CNTN5: variants seen among roughly 807,000 people sequenced by gnomAD.
The protein encoded by CNTN5 is contactin-5.
A neutral mutation model predicts 129.1 loss-of-function variants in CNTN5; 77 were observed. The ratio of observed to expected loss-of-function variants is 0.60; its 90% confidence interval spans 0.50 to 0.72. The LOEUF (loss-of-function observed/expected upper bound fraction) is 0.72, where lower values mean the gene tolerates loss of function less well. CNTN5 is among the 30% of genes least tolerant of loss of function. CNTN5 has a pLI of 0.00. For synonymous variants in CNTN5, 509 were observed against 465.6 expected, an observed-to-expected ratio of 1.09 and a Z score of -1.20; for missense variants, 1,478 against 1,328.8, an observed-to-expected ratio of 1.11 and a Z score of -1.75.
At position 99,802,781 on chromosome 11, in the gene CNTN5, C is replaced by T. The variant is rs1946153427; in HGVS notation, c.56-16763C>T. Among the ~76,000 whole-genome samples, 5 of 152,194 alleles carry T rather than the reference C, an allele frequency of 3.3e-5. No homozygotes were observed. In the South Asian group the frequency reaches 1.0e-3, roughly 32 times the overall value. Reference sequence around the variant, plus strand: ...GGTCCCCTGCACCGGGATCTCTTCACAAAAGAGATGGGGTGACTCAGGAAG... The same window carrying T: ...GGTCCCCTGCACCGGGATCTCTTCATAAAAGAGATGGGGTGACTCAGGAAG... On this transcript the variant is annotated intron_variant, in intron 3 of 24. Coordinates refer to ENST00000524871, the MANE Select transcript of CNTN5 (RefSeq NM_014361.4).
chr11:99,135,219 A>G (rs1276086734), intron 1 of CNTN5, among the ~76,000 whole-genome samples: 1 of 152,188 alleles, frequency 6.6e-6, no homozygotes, highest in Admixed American at 6.6e-5. Context: ...GGAAGTAAGC[A>G]AGTAAATACA....
At chr11:99,556,554 A>ATTATATAT (rs1948671733) in intron 3 of CNTN5, among the ~76,000 whole-genome samples, 1 of 72,332 alleles carries the variant, frequency 1.4e-5, no homozygotes, top group African/African-American at 4.6e-5. Context: ...AAGGCTTGGA[A>ATTATATAT]ATATATATAT....
chr11:99,077,428 A>T (rs1220643045), intron 1 of CNTN5, among the ~76,000 whole-genome samples: 2 of 152,040 alleles, frequency 1.3e-5, no homozygotes, highest in Non-Finnish European at 2.9e-5. Context: ...ATTAAGCACT[A>T]CTCCATAGAT....
At chr11:99,539,649 A>G (rs1948027551) in intron 2 of CNTN5, among the ~76,000 whole-genome samples, 1 of 152,068 alleles carries the variant, frequency 6.6e-6, no homozygotes, top group South Asian at 2.1e-4. Flanking sequence ...AGTATCAAAC[A>G]CTATCACACA....
intron 9 of CNTN5, among the ~76,000 whole-genome samples, chr11:100,041,910 G>C (rs1942399678): frequency 6.6e-6 from 1 of 152,168 alleles, no homozygotes; most frequent in South Asian, 2.1e-4. Context: ...GGAAGGCCCT[G>C]AGTTAATACA....
chr11:99,387,927 A>C (rs970047794), intron 2 of CNTN5, among the ~76,000 whole-genome samples: 5 of 151,986 alleles, frequency 3.3e-5, no homozygotes, highest in African/African-American at 1.2e-4. Flanking sequence ...GACAAATGAA[A>C]TGAAAGTATC....
intron 16 of CNTN5, among the ~76,000 whole-genome samples, chr11:100,242,563 T>C (rs780862808): frequency 1.3e-5 from 2 of 152,100 alleles, no homozygotes; most frequent in Non-Finnish European, 2.9e-5. Flanking sequence ...ACATCTTACA[T>C]GGCCAGAGCA....
chr11:99,844,992 A>G lies in CNTN5; in HGVS notation c.401+17A>G. Reference sequence around the variant, plus strand: ...CAGTTACAGGTAGGAATTCACTGTTAATCATTTTTCTTAAGCCTTAAAAAC... The same window carrying G: ...CAGTTACAGGTAGGAATTCACTGTTGATCATTTTTCTTAAGCCTTAAAAAC... On this transcript the variant is annotated intron_variant, in intron 5 of 24. Transcript: ENST00000524871. 1 of 1,612,436 alleles carries G rather than the reference A, an allele frequency of 6.2e-7. No individual in the cohort carries two copies. The highest frequency in any genetic ancestry group is 1.1e-5 in the South Asian group (1 of 90,860).
intron 6 of CNTN5, among the ~76,000 whole-genome samples, chr11:99,861,940 T>C (rs1280234692): frequency 1.3e-5 from 2 of 152,220 alleles, no homozygotes; most frequent in African/African-American, 4.8e-5. Flanking sequence ...AATTTCACAG[T>C]TAAAGTTTAG....
intron 1 of CNTN5, among the ~76,000 whole-genome samples, chr11:99,197,400 A>G (rs902532994): frequency 1.1e-4 from 16 of 152,044 alleles, no homozygotes; most frequent in Non-Finnish European, 2.1e-4. Flanking sequence ...TTGAAGTAAC[A>G]TTGATTCCTT....
At chr11:99,357,215 C>T (rs1029345584) in intron 2 of CNTN5, among the ~76,000 whole-genome samples, 5 of 152,008 alleles carry the variant, frequency 3.3e-5, no homozygotes, top group Admixed American at 6.5e-5. Context: ...ATATTACTAA[C>T]ACCTTGTTGC....
chr11:99,300,373 G>A (rs1864582314), intron 1 of CNTN5, among the ~76,000 whole-genome samples: 1 of 151,890 alleles, frequency 6.6e-6, no homozygotes, highest in African/African-American at 2.4e-5. Context: ...CTATCGAGGT[G>A]ACCATATGAT....
At chr11:99,206,578 A>G (rs1859495996) in intron 1 of CNTN5, among the ~76,000 whole-genome samples, 1 of 148,404 alleles carries the variant, frequency 6.7e-6, no homozygotes, top group Non-Finnish European at 1.5e-5. Flanking sequence ...GTGTATGTGT[A>G]TGTGACTTTT....
chr11:99,769,815 CAAA>C (rs10667902), intron 3 of CNTN5, among the ~76,000 whole-genome samples: 2 of 128,386 alleles, frequency 1.6e-5, no homozygotes, highest in Non-Finnish European at 3.3e-5. Flanking sequence ...GACCCCGTCT[CAAA>C]AAAAAAAAAA....
intron 1 of CNTN5, among the ~76,000 whole-genome samples, chr11:99,085,431 AT>A (rs1565305554): frequency 6.6e-6 from 1 of 152,152 alleles, no homozygotes; most frequent in African/African-American, 2.4e-5. Context: ...TTTTTCTAAC[AT>A]TTTTGAAATT....
chr11:99,505,350 T>C (rs993459527), intron 2 of CNTN5, among the ~76,000 whole-genome samples: 1 of 152,204 alleles, frequency 6.6e-6, no homozygotes, highest in African/African-American at 2.4e-5. Context: ...TTATCAGTAC[T>C]CTTTGTCCTG....
rs200535518 is a variant in CNTN5 at position 100,340,525 on chromosome 11, T to C, written c.2793T>C (p.Asn931=). The change falls in exon 22 of 25, where the codon AAT becomes AAC. Residue 931 remains asparagine (N), a synonymous_variant. Coordinates refer to ENST00000524871, the MANE Select transcript of CNTN5 (RefSeq NM_014361.4). ...DTAETVKTRG[N]ESFVILTGLE... ...CAGAAACAGTCAAAACTAGAGGGAA[T>C]GAGTCTTTCGTCATCCTAACAGGAT... 1.8e-4 allele frequency: 286 copies of C among 1,613,156 alleles called. No individual in the cohort carries two copies. Among genetic ancestry groups the C allele is most frequent in the Non-Finnish European group, 2.2e-4 (264 of 1,179,552 alleles).
chr11:100,341,219 C>T lies in CNTN5; in HGVS notation c.3030+14C>T, dbSNP rs769275644. ...GTGGGTTACAAGGTCAGTATTTCTT[C>T]ACTCTTTTGCATAGATACTCATCTC... On this transcript the variant is annotated intron_variant, in intron 23 of 24. Coordinates refer to ENST00000524871, the MANE Select transcript of CNTN5 (RefSeq NM_014361.4). The T allele has an allele frequency of 6.4e-7, 1 of 1,551,694 alleles. No individual in the cohort carries two copies. Among genetic ancestry groups the T allele is most frequent in the East Asian group, 2.2e-5 (1 of 44,596 alleles).
intron 1 of CNTN5, among the ~76,000 whole-genome samples, chr11:99,222,345 G>T (rs1187960490): frequency 1.3e-5 from 2 of 151,780 alleles, no homozygotes; most frequent in African/African-American, 4.8e-5. Flanking sequence ...AAGGAAGGAA[G>T]AATGGGGGTT....
Sources: gnomAD v4.1 joint callset for allele counts (sites outside exome capture counted in the v4.1 genomes callset) on GRCh38, gnomAD v4.1.1 for gene constraint, MANE v1.5 for transcripts, NCBI Gene and HGNC (gene_info 2026-07-23, HGNC 2026-07-21) for gene names.